The following NRXN3 variants were observed in gnomAD, a reference collection of about 807,000 sequenced individuals.
The protein encoded by NRXN3 is neurexin 3.
In NRXN3, 32 loss-of-function variants were observed where a neutral mutation model predicts 137.6. The observed-to-expected ratio is 0.23, with a 90% CI of 0.18 to 0.31. The LOEUF (loss-of-function observed/expected upper bound fraction) is 0.31, where lower values mean the gene tolerates loss of function less well. Ranked by LOEUF, NRXN3 falls within the 10% of genes least tolerant of loss-of-function variation. NRXN3 has a pLI of 1.00. For synonymous variants in NRXN3, 798 were observed against 784.5 expected, an observed-to-expected ratio of 1.02 and a Z score of -0.29; for missense variants, 1,574 against 2,062.5, an observed-to-expected ratio of 0.76 and a Z score of 4.59.
intron 16 of NRXN3, among the ~76,000 whole-genome samples, chr14:79,563,131 A>C (rs2097516048): frequency 6.6e-6 from 1 of 152,202 alleles, no homozygotes; most frequent in Admixed American, 6.5e-5. Flanking sequence ...TTTTTACATG[A>C]ATATTAATTC....
chr14:78,558,449 AT>A (rs1482601838), intron 4 of NRXN3, among the ~76,000 whole-genome samples: 2 of 152,232 alleles, frequency 1.3e-5, no homozygotes, highest in Non-Finnish European at 2.9e-5. Context: ...TTGCTATGAA[AT>A]GAAAATGATG....
At chr14:78,540,599 G>A (rs1459276708) in intron 4 of NRXN3, among the ~76,000 whole-genome samples, 1 of 151,930 alleles carries the variant, frequency 6.6e-6, no homozygotes, top group African/African-American at 2.4e-5. Flanking sequence ...TTTAATTGGG[G>A]GCATTTAGCC....
rs2099460212 is a variant in NRXN3, at chr14:78,975,141, T to A, written c.3142+6795T>A. Among the ~76,000 whole-genome samples, 4 of 152,326 alleles carry A rather than the reference T, an allele frequency of 2.6e-5. No individual in the cohort carries two copies. The South Asian group carries it at 8.3e-4, about 32-fold the overall frequency. ...AGGATACTGCAGATGAGATGCAGTC[T>A]CTAACTTCAAAGAATTCCACAGATG... is the stretch of plus-strand genomic sequence containing the variant. On this transcript the variant is annotated intron_variant, in intron 14 of 20. Transcript: ENST00000335750.
chr14:78,257,134 A>G (rs1353779535), intron 2 of NRXN3, among the ~76,000 whole-genome samples: 1 of 152,210 alleles, frequency 6.6e-6, no homozygotes, highest in African/African-American at 2.4e-5. Flanking sequence ...TACTAACGCT[A>G]TCATTTTTGG....
At chr14:78,815,029 G>T (rs2098927628) in intron 10 of NRXN3, among the ~76,000 whole-genome samples, 2 of 151,690 alleles carry the variant, frequency 1.3e-5, no homozygotes, top group Admixed American at 6.6e-5. Flanking sequence ...CTTCTGTGTT[G>T]TGGCCATCTT....
chr14:78,662,886 C>T (rs970935948), intron 6 of NRXN3, among the ~76,000 whole-genome samples: 4 of 152,132 alleles, frequency 2.6e-5, no homozygotes, highest in South Asian at 4.1e-4. Context: ...TTGATCATCT[C>T]GAAAACCGTT....
intron 15 of NRXN3, among the ~76,000 whole-genome samples, chr14:79,019,138 A>C (rs1278762765): frequency 6.6e-6 from 1 of 152,164 alleles, no homozygotes; most frequent in African/African-American, 2.4e-5. Context: ...TTCAAGTCCT[A>C]CTGTGCTACT....
intron 4 of NRXN3, among the ~76,000 whole-genome samples, chr14:78,459,500 G>C (rs1334804963): frequency 1.3e-5 from 2 of 152,102 alleles, no homozygotes; most frequent in Non-Finnish European, 2.9e-5. Flanking sequence ...TTCTGACTGG[G>C]TCATCCCACA....
chr14:78,755,722 C>T (rs1298063254), intron 8 of NRXN3, among the ~76,000 whole-genome samples: 1 of 152,148 alleles, frequency 6.6e-6, no homozygotes, highest in Admixed American at 6.5e-5. Context: ...TAGTAGCAGT[C>T]CCCTACCAAC....
At chr14:79,027,566 C>A (rs566078806) in intron 15 of NRXN3, among the ~76,000 whole-genome samples, 1 of 152,054 alleles carries the variant, frequency 6.6e-6, no homozygotes, top group Non-Finnish European at 1.5e-5. Flanking sequence ...AGTTAGCTGT[C>A]GCTTGCCTGA....
At chr14:79,804,978 C>T (rs953307546) in intron 19 of NRXN3, 134 bp from the exon 20 acceptor site, 1 of 643,738 alleles carries the variant, frequency 1.6e-6, no homozygotes, top group Non-Finnish European at 2.7e-6. Context: ...GGTATGCCCT[C>T]TCTAGAAAAA....
chr14:79,094,534 C>T (rs1014736344), intron 15 of NRXN3, among the ~76,000 whole-genome samples: 6 of 152,156 alleles, frequency 3.9e-5, no homozygotes, highest in African/African-American at 1.4e-4. Context: ...GTTTTTTATT[C>T]TCTTTTCAAA....
At chr14:78,581,918 A>G (rs1165122593) in intron 4 of NRXN3, among the ~76,000 whole-genome samples, 1 of 152,220 alleles carries the variant, frequency 6.6e-6, no homozygotes, top group East Asian at 1.9e-4. Context: ...GCCAACCCTG[A>G]TAGGGCTTAA....
chr14:78,312,228 A>G (rs1213038305), intron 4 of NRXN3, among the ~76,000 whole-genome samples: 2 of 152,178 alleles, frequency 1.3e-5, no homozygotes, highest in African/African-American at 4.8e-5. Context: ...CTGCCTGGGA[A>G]CTGATACAAC....
chr14:78,490,572 C>G (rs993120903), intron 4 of NRXN3, among the ~76,000 whole-genome samples: 4 of 152,080 alleles, frequency 2.6e-5, no homozygotes, highest in Non-Finnish European at 4.4e-5. Context: ...GCTTACTACC[C>G]TTTAAGGAAA....
At chr14:79,264,522 ATGTGTG>A (rs34099529) in intron 15 of NRXN3, among the ~76,000 whole-genome samples, 2,577 of 145,196 alleles carry the variant, frequency 0.018, 55 homozygotes, top group South Asian at 0.067. Context: ...TGTTTACATG[ATGTGTG>A]TGTGTGTGTG....
At chr14:79,585,609 C>T (rs548525704) in intron 16 of NRXN3, among the ~76,000 whole-genome samples, 64 of 143,604 alleles carry the variant, frequency 4.5e-4, no homozygotes, top group Admixed American at 8.4e-4. Flanking sequence ...CGCCTGAACC[C>T]GGGAGGCGGA....
chr14:79,251,502 A>G (rs1412249465), intron 15 of NRXN3, among the ~76,000 whole-genome samples: 4 of 152,186 alleles, frequency 2.6e-5, no homozygotes, highest in Admixed American at 6.5e-5. Flanking sequence ...ATGAGGAGTG[A>G]AAAGTAATAA....
intron 17 of NRXN3, among the ~76,000 whole-genome samples, chr14:79,686,309 C>A (rs1308566883): frequency 6.6e-6 from 1 of 152,048 alleles, no homozygotes; most frequent in African/African-American, 2.4e-5. Flanking sequence ...AGAGCACAGG[C>A]AGAGGCTAGA....
Sources: allele counts gnomAD v4.1 joint callset (sites outside exome capture counted in the v4.1 genomes callset), GRCh38; gene constraint gnomAD v4.1.1; transcripts MANE v1.5; gene names NCBI Gene and HGNC (gene_info 2026-07-23, HGNC 2026-07-21).